AGBL1: variants seen among roughly 807,000 people sequenced by gnomAD.
AGBL1 encodes AGBL carboxypeptidase 1.
In AGBL1, 130 loss-of-function variants were observed where a neutral mutation model predicts 118.9. The observed-to-expected ratio is 1.09, with a 90% CI of 0.95 to 1.26. AGBL1 has a LOEUF of 1.26. Among genes scored for constraint, AGBL1 ranks in the 50% most tolerant of loss-of-function variants. AGBL1 has a pLI of 0.00. For missense variants in AGBL1, 1,584 were observed against 1,298.1 expected, an observed-to-expected ratio of 1.22 and a Z score of -3.38; for synonymous variants, 555 against 478.9, an observed-to-expected ratio of 1.16 and a Z score of -2.08.
chr15:86,357,360 A>G (rs2080737597), intron 17 of AGBL1, among the ~76,000 whole-genome samples: 2 of 152,214 alleles, frequency 1.3e-5, no homozygotes, highest in Admixed American at 6.5e-5. Context: ...ATCATTTGCC[A>G]GGATGCTGTA....
intron 24 of AGBL1, among the ~76,000 whole-genome samples, chr15:87,021,587 A>G (rs2081665281): frequency 6.6e-6 from 1 of 152,182 alleles, no homozygotes; most frequent in Non-Finnish European, 1.5e-5. Context: ...AATTTTTGCA[A>G]TCTATCCATG....
chr15:86,142,124 G>A (rs2076971890), intron 2 of AGBL1, 57 bp downstream of exon 2: 1 of 1,524,992 alleles, frequency 6.6e-7, no homozygotes, highest in African/African-American at 1.4e-5. Flanking sequence ...TGCTGGCTGT[G>A]ATCTCTCCCA....
At chr15:86,756,034 T>G (rs1257072063) in intron 22 of AGBL1, among the ~76,000 whole-genome samples, 2 of 152,130 alleles carry the variant, frequency 1.3e-5, no homozygotes, top group African/African-American at 4.8e-5. Context: ...GATGCTCTTC[T>G]TTTGGTTCTC....
At chr15:86,271,525 C>G in intron 14 of AGBL1, 94 bp from the exon 15 acceptor site, 4 of 949,880 alleles carry the variant, frequency 4.2e-6, no homozygotes, top group Non-Finnish European at 6.8e-6. Flanking sequence ...TCACAGTTTC[C>G]AGGGATTAAG....
chr15:86,702,530 T>G (rs928178127), intron 22 of AGBL1, among the ~76,000 whole-genome samples: 2 of 152,132 alleles, frequency 1.3e-5, no homozygotes, highest in Non-Finnish European at 2.9e-5. Flanking sequence ...ACTCCTCCTT[T>G]CCCATCCACT....
intron 20 of AGBL1, 100 bp from the exon 21 acceptor site, chr15:86,554,261 T>G: frequency 9.6e-7 from 1 of 1,043,692 alleles, no homozygotes; most frequent in Non-Finnish European, 1.4e-6. Context: ...TAACGAGTAT[T>G]TTATATATAG....
At chr15:86,871,395 T>G (rs911331659) in intron 22 of AGBL1, among the ~76,000 whole-genome samples, 1 of 152,192 alleles carries the variant, frequency 6.6e-6, no homozygotes, top group Non-Finnish European at 1.5e-5. Flanking sequence ...CTCCTTGACC[T>G]GCCATGAGTC....
chr15:86,364,968 T>G (rs929996536), intron 17 of AGBL1, among the ~76,000 whole-genome samples: 1 of 81,056 alleles, frequency 1.2e-5, no homozygotes, highest in Non-Finnish European at 3.0e-5. Context: ...CATATATATA[T>G]ATATATATAT....
At chr15:86,441,978 A>T (rs143942276) in intron 18 of AGBL1, among the ~76,000 whole-genome samples, 1 of 152,234 alleles carries the variant, frequency 6.6e-6, no homozygotes, top group African/African-American at 2.4e-5. Flanking sequence ...AAAGCTGCCA[A>T]ATCCACAAGG....
chr15:86,687,074 C>G (rs938375545), intron 22 of AGBL1, among the ~76,000 whole-genome samples: 2 of 152,072 alleles, frequency 1.3e-5, no homozygotes, highest in African/African-American at 4.8e-5. Context: ...GGAAAACAAG[C>G]TGCTCTATGA....
chr15:86,441,040 T>C (rs1359456189), intron 18 of AGBL1, among the ~76,000 whole-genome samples: 3 of 152,136 alleles, frequency 2.0e-5, no homozygotes, highest in Non-Finnish European at 2.9e-5. Flanking sequence ...ATTAGAAATA[T>C]GGTTAAAGAA....
chr15:86,187,095 A>T (rs1274505570), intron 5 of AGBL1, among the ~76,000 whole-genome samples: 2 of 152,202 alleles, frequency 1.3e-5, no homozygotes, highest in Non-Finnish European at 2.9e-5. Context: ...AAAACATCCA[A>T]ACTATGCTGC....
chr15:86,487,033 A>G (rs954641012), intron 18 of AGBL1, among the ~76,000 whole-genome samples: 22 of 152,046 alleles, frequency 1.4e-4, no homozygotes, highest in Admixed American at 5.2e-4. Context: ...GCTCCTTGCT[A>G]TAAAACTGGC....
intron 22 of AGBL1, among the ~76,000 whole-genome samples, chr15:86,817,575 GACACAC>G (rs61414348): frequency 3.8e-5 from 5 of 130,764 alleles, no homozygotes; most frequent in Non-Finnish European, 6.5e-5. Context: ...GAAAGAGACA[GACACAC>G]ACACACACAC....
intron 22 of AGBL1, among the ~76,000 whole-genome samples, chr15:86,745,954 T>C (rs1399768557): frequency 6.6e-6 from 1 of 151,982 alleles, no homozygotes; most frequent in African/African-American, 2.4e-5. Flanking sequence ...ATGTCTCTCT[T>C]TCAGGTAGAG....
intron 2 of AGBL1, 127 bp downstream of exon 2, chr15:86,142,194 C>G: frequency 1.2e-6 from 1 of 869,086 alleles, no homozygotes; most frequent in African/African-American, 1.7e-5. Flanking sequence ...GGCAGCATCA[C>G]TAGCCCATCT....
intron 23 of AGBL1, among the ~76,000 whole-genome samples, chr15:86,921,758 G>A (rs934543906): frequency 4.6e-5 from 7 of 152,238 alleles, no homozygotes; most frequent in East Asian, 3.9e-4. Flanking sequence ...ATGTCAAGGC[G>A]CCTGTGGCAT....
chr15:86,694,194 C>A (rs1208854124), intron 22 of AGBL1, among the ~76,000 whole-genome samples: 1 of 152,094 alleles, frequency 6.6e-6, no homozygotes, highest in African/African-American at 2.4e-5. Context: ...GCAATATGAT[C>A]ATTTTCACAA....
At chr15:86,846,177 G>C (rs542619978) in intron 22 of AGBL1, among the ~76,000 whole-genome samples, 1 of 152,102 alleles carries the variant, frequency 6.6e-6, no homozygotes, top group Non-Finnish European at 1.5e-5. Flanking sequence ...TGACTCTTCA[G>C]TATTTCCTGT....
Sources: gnomAD v4.1 joint callset for allele counts (sites outside exome capture counted in the v4.1 genomes callset) on GRCh38, gnomAD v4.1.1 for gene constraint, MANE v1.5 for transcripts, NCBI Gene and HGNC (gene_info 2026-07-23, HGNC 2026-07-21) for gene names.